Variants in FTO observed in about 807,000 individuals in gnomAD.
FTO encodes alpha-ketoglutarate-dependent dioxygenase FTO.
FTO carries 47 observed loss-of-function variants against 63.9 expected under a neutral mutation model. That is an observed-to-expected ratio of 0.74 (90% CI 0.58 to 0.94). The LOEUF (loss-of-function observed/expected upper bound fraction) is 0.94, where lower values mean the gene tolerates loss of function less well. Among genes scored for constraint, FTO ranks in the 40% least tolerant of loss-of-function variants. The pLI is 0.00. For synonymous variants in FTO, 207 were observed against 224.4 expected (o/e 0.92, Z 0.69); for missense variants, 562 against 618.1 (o/e 0.91, Z 0.96).
chr16:54,083,717 A>AAC (rs1289700371), intron 8 of FTO, among the ~76,000 whole-genome samples: 2 of 152,118 alleles, frequency 1.3e-5, no homozygotes, highest in Non-Finnish European at 2.9e-5. Context: ...GACCAACACC[A>AAC]ACACCAGCAT....
intron 8 of FTO, among the ~76,000 whole-genome samples, chr16:54,080,236 A>G (rs568746394): frequency 6.6e-6 from 1 of 152,320 alleles, no homozygotes; most frequent in South Asian, 2.1e-4. Flanking sequence ...AAAGCAAAGA[A>G]AAGTAGAAGC....
Position 53,990,817 on chromosome 16 carries a change from G to A in FTO, c.1364+56708G>A, listed in dbSNP as rs557257079. ...AAAGTAGCTGACATTTCAGGTGCCC[G>A]CCACCACGCCTGGCTAATTTATGTA... On this transcript the variant is annotated intron_variant, in intron 8 of 8. Transcript: ENST00000471389. Among the ~76,000 whole-genome samples the A allele has an allele frequency of 1.4e-3, 207 of 151,872 alleles. 2 individuals carry two copies. Among genetic ancestry groups the A allele is most frequent in the Non-Finnish European group, 2.6e-3 (175 of 67,940 alleles).
In FTO at chr16:54,116,111, A is replaced by C. The variant is rs1465775687; in HGVS notation, c.*4196A>C. On this transcript the variant is annotated 3_prime_UTR_variant, in exon 9 of 9. Transcript: ENST00000471389. ...AGCTTCAAAACCCATCACTCCACTG[A>C]ATCCAGGGATGCCAGAATTGAGAGT... 1.3e-5 allele frequency: 2 copies of C among 152,246 alleles called. No homozygotes were observed. The highest frequency in any genetic ancestry group is 2.9e-5 in the Non-Finnish European group (2 of 68,056). 9.4% of individuals were successfully genotyped at this position (152,246 alleles called of 1,614,324 possible).
chr16:53,813,849 G>A (rs990125278), intron 2 of FTO, among the ~76,000 whole-genome samples: 1 of 152,172 alleles, frequency 6.6e-6, no homozygotes, highest in Non-Finnish European at 1.5e-5. Flanking sequence ...CAGGCTTGAG[G>A]TACTTGAGGT....
intron 1 of FTO, among the ~76,000 whole-genome samples, chr16:53,786,641 A>G (rs2077747348): frequency 6.6e-6 from 1 of 152,182 alleles, no homozygotes; most frequent in Non-Finnish European, 1.5e-5. Flanking sequence ...AGTCTCTGTT[A>G]CTCTAAAGTT....
intron 8 of FTO, among the ~76,000 whole-genome samples, chr16:53,936,522 G>A (rs997521380): frequency 6.6e-6 from 1 of 152,186 alleles, no homozygotes; most frequent in African/African-American, 2.4e-5. Flanking sequence ...ATTGCCTCGA[G>A]TAGCCGTCAA....
rs185504711 is a variant in FTO, at chr16:53,737,869, G to A, written c.45+33640G>A. 3.5e-3 allele frequency among the ~76,000 whole-genome samples: 540 copies of A among 152,234 alleles called. 1 individual carries two copies. The highest frequency in any genetic ancestry group is 5.9e-3 in the Non-Finnish European group (402 of 68,016). ...TACATCATATAAATGGAATCATACCGTGTGTGGTCTTTGTGACTGGCTTCT... is the reference window on the plus strand; with the variant it reads ...TACATCATATAAATGGAATCATACCATGTGTGGTCTTTGTGACTGGCTTCT... On this transcript the variant is annotated intron_variant, in intron 1 of 8. Transcript: ENST00000471389.
chr16:53,917,768 T>C (rs1015667640), intron 7 of FTO, among the ~76,000 whole-genome samples: 2 of 151,484 alleles, frequency 1.3e-5, no homozygotes, highest in Non-Finnish European at 2.9e-5. Context: ...GTCGTCCATC[T>C]CCTCTGGGTA....
intron 7 of FTO, among the ~76,000 whole-genome samples, chr16:53,931,812 T>C (rs1394763593): frequency 6.6e-6 from 1 of 152,052 alleles, no homozygotes; most frequent in Non-Finnish European, 1.5e-5. Flanking sequence ...ACCCACATGG[T>C]ATTTTTTTAA....
At chr16:53,978,438 C>G (rs1444371138) in intron 8 of FTO, among the ~76,000 whole-genome samples, 1 of 152,200 alleles carries the variant, frequency 6.6e-6, no homozygotes, top group Non-Finnish European at 1.5e-5. Context: ...AATGGATTTT[C>G]TGATTCTGTT....
At chr16:54,031,214 G>GA (rs534952647) in intron 8 of FTO, among the ~76,000 whole-genome samples, 3 of 152,118 alleles carry the variant, frequency 2.0e-5, no homozygotes, top group Non-Finnish European at 4.4e-5. Flanking sequence ...AGATCTTAGG[G>GA]AAAAAATGGA....
intron 7 of FTO, among the ~76,000 whole-genome samples, chr16:53,925,666 T>C (rs1034095103): frequency 1.2e-4 from 18 of 152,118 alleles, no homozygotes; most frequent in Non-Finnish European, 2.4e-4. Flanking sequence ...TTGTATAGAA[T>C]TATTAGTAAA....
intron 8 of FTO, among the ~76,000 whole-genome samples, chr16:54,003,251 A>G (rs1042540738): frequency 6.6e-6 from 1 of 152,226 alleles, no homozygotes; most frequent in African/African-American, 2.4e-5. Flanking sequence ...TGTGAGAAAG[A>G]AGGCCTCCTC....
In FTO at chr16:53,776,605, G is replaced by A. The variant is rs1313500725; in HGVS notation, c.46-33535G>A. Among the ~76,000 whole-genome samples, 3 of 152,056 alleles carry A rather than the reference G, an allele frequency of 2.0e-5. No homozygotes were observed. The South Asian group carries it at 6.2e-4, about 32-fold the overall frequency. On this transcript the variant is annotated intron_variant, in intron 1 of 8. Transcript: ENST00000471389. ...ACAGGAACTTTTAAAAGCCTTTATTGATTTAAAAATAGCAAAACCCCTTCA... is the reference window on the plus strand; with the variant it reads ...ACAGGAACTTTTAAAAGCCTTTATTAATTTAAAAATAGCAAAACCCCTTCA...
chr16:53,885,821 T>C (rs1273692844), intron 6 of FTO, among the ~76,000 whole-genome samples: 1 of 152,194 alleles, frequency 6.6e-6, no homozygotes, highest in Non-Finnish European at 1.5e-5. Flanking sequence ...CGATCATGGC[T>C]CACTGCAGCC....
At chr16:53,842,775 G>A (rs1340784126) in intron 3 of FTO, among the ~76,000 whole-genome samples, 1 of 152,118 alleles carries the variant, frequency 6.6e-6, no homozygotes, top group African/African-American at 2.4e-5. Flanking sequence ...CCAGGCTCCA[G>A]CAATCCTCCC....
Position 53,807,153 on chromosome 16 carries a change from C to T in FTO, c.46-2987C>T, listed in dbSNP as rs185157048. ...TAATACTTGATCTTGTCAGTTACTTCGTAAAATTGCAAGTACTGAGTGTTG... is the reference window on the plus strand; with the variant it reads ...TAATACTTGATCTTGTCAGTTACTTTGTAAAATTGCAAGTACTGAGTGTTG... On this transcript the variant is annotated intron_variant, in intron 1 of 8. Transcript: ENST00000471389. 4.6e-5 allele frequency among the ~76,000 whole-genome samples: 7 copies of T among 152,236 alleles called. No individual in the cohort carries two copies. The East Asian group carries it at 1.2e-3, about 25-fold the overall frequency.
intron 8 of FTO, among the ~76,000 whole-genome samples, chr16:54,018,174 A>G (rs1168939891): frequency 6.6e-6 from 1 of 152,030 alleles, no homozygotes; most frequent in African/African-American, 2.4e-5. Context: ...CCATGTTTTG[A>G]ATTATTTCCC....
rs1244909210 is a variant in FTO, at chr16:54,120,900, C to T, written c.*8985C>T. On this transcript the variant is annotated 3_prime_UTR_variant, in exon 9 of 9. Coordinates refer to ENST00000471389, the MANE Select transcript of FTO (RefSeq NM_001080432.3). ...TGGTGATTTTACATATTATTAGAGC[C>T]ACTGAAATTTATGATGCAGGATATT... The T allele has an allele frequency of 1.3e-5, 2 of 152,134 alleles. No homozygotes were observed. The highest frequency in any genetic ancestry group is 2.9e-5 in the Non-Finnish European group (2 of 68,026). 9.4% of individuals were successfully genotyped at this position (152,134 alleles called of 1,614,324 possible). A position where few individuals can be genotyped will look rare whatever the true frequency, so the allele number is the denominator to read the frequency against.
Sources: allele counts gnomAD v4.1 joint callset (sites outside exome capture counted in the v4.1 genomes callset), GRCh38; gene constraint gnomAD v4.1.1; transcripts MANE v1.5; gene names NCBI Gene and HGNC (gene_info 2026-07-23, HGNC 2026-07-21).